FTO: variants seen among roughly 807,000 people sequenced by gnomAD.
FTO encodes the protein alpha-ketoglutarate-dependent dioxygenase FTO.
Under a neutral mutation model 63.9 loss-of-function variants are expected in FTO, and 47 were observed. The observed-to-expected ratio is 0.74, with a 90% CI of 0.58 to 0.94. FTO has a LOEUF of 0.94. FTO is among the 40% of genes least tolerant of loss of function. The pLI, the probability that FTO is intolerant of heterozygous loss-of-function variation, is 0.00. For synonymous variants in FTO, 207 were observed against 224.4 expected, an observed-to-expected ratio of 0.92 and a Z score of 0.69; for missense variants, 562 against 618.1, an observed-to-expected ratio of 0.91 and a Z score of 0.96.
At chr16:54,061,604 T>TG (rs2085574717) in intron 8 of FTO, 1 of 125,004 alleles carries the variant, frequency 8.0e-6, no homozygotes, top group Non-Finnish European at 1.6e-5. Context: ...GGCATGTGTG[T>TG]TTGTGTGTGT....
intron 8 of FTO, among the ~76,000 whole-genome samples, chr16:53,963,395 C>T (rs137933289): frequency 2.0e-5 from 3 of 152,312 alleles, no homozygotes; most frequent in African/African-American, 7.2e-5. Context: ...AAGACCTCAG[C>T]ATGCAAGCTG....
chr16:53,998,444 G>C (rs2083992885), intron 8 of FTO: 1 of 152,200 alleles, frequency 6.6e-6, no homozygotes, highest in South Asian at 2.1e-4. Context: ...CAGAGACTTA[G>C]CCTATAAACC....
chr16:53,851,666 C>T (rs1023471506), intron 4 of FTO, among the ~76,000 whole-genome samples: 2 of 152,054 alleles, frequency 1.3e-5, no homozygotes, highest in African/African-American at 4.8e-5. Context: ...TTTTAAAAAA[C>T]ATAAATGATA....
At chr16:54,034,161 A>G (rs1398459356) in intron 8 of FTO, 4 of 152,206 alleles carry the variant, frequency 2.6e-5, no homozygotes, top group African/African-American at 9.6e-5. Flanking sequence ...TGAAAGGTAT[A>G]TGTGAAATCT....
intron 3 of FTO, among the ~76,000 whole-genome samples, chr16:53,829,041 C>T (rs2079080065): frequency 6.6e-6 from 1 of 152,118 alleles, no homozygotes; most frequent in Admixed American, 6.5e-5. Context: ...CAGGCATGCA[C>T]CACTACTCCC....
intron 7 of FTO, among the ~76,000 whole-genome samples, chr16:53,911,860 G>A (rs1385355526): frequency 6.6e-6 from 1 of 152,198 alleles, no homozygotes; most frequent in Non-Finnish European, 1.5e-5. Flanking sequence ...TGTTGAAAAC[G>A]AAAATTGAAC....
intron 8 of FTO, among the ~76,000 whole-genome samples, chr16:54,025,219 C>T (rs957161152): frequency 2.6e-5 from 4 of 152,072 alleles, no homozygotes; most frequent in African/African-American, 4.8e-5. Flanking sequence ...ATTTCCCAGA[C>T]GAAATTGGAG....
At chr16:53,944,551 G>A (rs1430438678) in intron 8 of FTO, among the ~76,000 whole-genome samples, 1 of 152,188 alleles carries the variant, frequency 6.6e-6, no homozygotes, top group Non-Finnish European at 1.5e-5. Flanking sequence ...TAATTAATAT[G>A]TTTGGGGGCA....
In FTO at chr16:53,879,844, T is replaced by A. The variant is rs779204175; in HGVS notation, c.976T>A (p.Cys326Ser). 74 of 1,613,906 alleles carry A rather than the reference T, an allele frequency of 4.6e-5. No homozygotes were observed. Among genetic ancestry groups the A allele is most frequent in the Non-Finnish European group, 1.2e-5 (14 of 1,179,956 alleles). Residue 326 changes from cysteine (C) to serine (S), a missense_variant and splice_region_variant, in exon 6 of 9, where the codon TGC (cysteine) becomes AGC (serine). Transcript: ENST00000471389. Reference protein sequence around the residue: ...RFSSTHRVAECSTGTLDYILQ... With the variant: ...RFSSTHRVAESSTGTLDYILQ... ...GTGATTGCTGGTTCTGTCTCAACAG[T>A]GCTCAACAGGAACCTTGGATTATAT...
At chr16:53,760,225 TGTGTGTGTGTGTGTGTGTGTGTGTG>T (rs1272297231) in intron 1 of FTO, among the ~76,000 whole-genome samples, 18 of 59,322 alleles carry the variant, frequency 3.0e-4, no homozygotes, top group African/African-American at 1.3e-3. Context: ...TGTGTGTGTG[TGTGTGTGTGTGTGTGTGTGTGTGTG>T]TGTGTGTGTG....
intron 8 of FTO, among the ~76,000 whole-genome samples, chr16:53,942,010 A>G (rs917659428): frequency 6.6e-5 from 10 of 152,166 alleles, no homozygotes; most frequent in African/African-American, 2.2e-4. Flanking sequence ...TTTCCTCTCA[A>G]TCTATTCCAG....
intron 4 of FTO, among the ~76,000 whole-genome samples, chr16:53,848,749 T>A (rs2079704592): frequency 6.6e-6 from 1 of 152,132 alleles, no homozygotes; most frequent in Non-Finnish European, 1.5e-5. Flanking sequence ...ATTATACAGT[T>A]CAAGGGACAT....
At chr16:53,923,807 G>A (rs11644195) in intron 7 of FTO, among the ~76,000 whole-genome samples, 51,558 of 151,392 alleles carry the variant, frequency 0.34, 10,060 homozygotes, top group East Asian at 0.81. Context: ...GAGCTTAAAC[G>A]TATGGGGCAG....
intron 5 of FTO, among the ~76,000 whole-genome samples, chr16:53,879,127 T>C (rs1208996965): frequency 1.3e-5 from 2 of 152,250 alleles, no homozygotes; most frequent in African/African-American, 4.8e-5. Context: ...TGTCCTTGAC[T>C]TCTTGGTTAA....
intron 1 of FTO, among the ~76,000 whole-genome samples, chr16:53,774,177 C>CT (rs1258679031): frequency 5.3e-5 from 8 of 152,128 alleles, no homozygotes; most frequent in Admixed American, 4.6e-4. Context: ...GGACCACTAA[C>CT]TTACCCTCTA....
chr16:54,104,678 G>A (rs1287270270), intron 8 of FTO, among the ~76,000 whole-genome samples: 5 of 152,118 alleles, frequency 3.3e-5, no homozygotes, highest in Non-Finnish European at 7.4e-5. Flanking sequence ...TTATCATGTA[G>A]CTGATGCCCT....
intron 2 of FTO, among the ~76,000 whole-genome samples, chr16:53,817,187 G>A (rs1598738233): frequency 6.6e-6 from 1 of 152,158 alleles, no homozygotes; most frequent in Non-Finnish European, 1.5e-5. Flanking sequence ...ATGAAGTATT[G>A]AATGAATGAA....
intron 1 of FTO, among the ~76,000 whole-genome samples, chr16:53,771,444 C>T (rs907951176): frequency 2.0e-5 from 3 of 152,126 alleles, no homozygotes; most frequent in Admixed American, 6.6e-5. Context: ...CCTGGATCAT[C>T]GCAATTTCTT....
At chr16:54,013,423 CAAAG>C (rs2144091779) in intron 8 of FTO, 1 of 148,858 alleles carries the variant, frequency 6.7e-6, no homozygotes, top group Admixed American at 6.8e-5. Context: ...GGAATAATAA[CAAAG>C]GATGTTGAAT....
Sources: gnomAD v4.1 joint callset for allele counts (sites outside exome capture counted in the v4.1 genomes callset) on GRCh38, gnomAD v4.1.1 for gene constraint, MANE v1.5 for transcripts, NCBI Gene and HGNC (gene_info 2026-07-23, HGNC 2026-07-21) for gene names.